Variants in BMPER observed in about 807,000 individuals in gnomAD.
BMPER encodes the protein BMP-binding endothelial regulator protein.
A neutral mutation model predicts 87.3 loss-of-function variants in BMPER; 45 were observed. The observed-to-expected ratio is 0.52, with a 90% CI of 0.41 to 0.66. The LOEUF (loss-of-function observed/expected upper bound fraction) is 0.66. Among genes scored for constraint, BMPER ranks in the 30% least tolerant of loss-of-function variants. BMPER has a pLI of 0.00. For synonymous variants in BMPER, 326 were observed against 316.2 expected (o/e 1.03, Z -0.33); for missense variants, 784 against 867.5 (o/e 0.90, Z 1.21).
In BMPER at chr7:34,153,668, T is replaced by C. The variant is rs1380292935; in HGVS notation, c.*395T>C. ...TTGCCTGCCTGTATTAATTTTAGTT[T>C]TGAGTCAGGATTTGTAATGGAGTGG... On this transcript the variant is annotated 3_prime_UTR_variant, in exon 15 of 15. Transcript: ENST00000649409. 1.5e-5 allele frequency: 3 copies of C among 200,186 alleles called. No individual in the cohort carries two copies. Among genetic ancestry groups the C allele is most frequent in the Non-Finnish European group, 3.1e-5 (3 of 96,034 alleles). The allele number at this position is 200,186 out of a possible 1,614,324, so 12.4% of individuals were successfully genotyped here. A position where few individuals can be genotyped will look rare whatever the true frequency, so the allele number is the denominator to read the frequency against.
intron 2 of BMPER, among the ~76,000 whole-genome samples, chr7:33,921,527 C>A (rs1400472640): frequency 6.6e-6 from 1 of 152,134 alleles, no homozygotes; most frequent in Non-Finnish European, 1.5e-5. Flanking sequence ...GAGAGAATAC[C>A]CCCCGGGGTC....
At chr7:34,023,985 A>C (rs569243170) in intron 6 of BMPER, among the ~76,000 whole-genome samples, 3 of 152,070 alleles carry the variant, frequency 2.0e-5, no homozygotes, top group Non-Finnish European at 2.9e-5. Context: ...TCCAATGGTT[A>C]TTTTTCAAGA....
At position 34,143,208 on chromosome 7, in the gene BMPER, A is replaced by G. The variant is rs753101762; in HGVS notation, c.1746-22A>G. 6.8e-6 allele frequency: 11 copies of G among 1,613,606 alleles called. No individual in the cohort carries two copies. The Admixed American group carries it at 1.0e-4, about 15-fold the overall frequency. On this transcript the variant is annotated intron_variant, in intron 13 of 14. Coordinates refer to ENST00000649409, the MANE Select transcript of BMPER (RefSeq NM_001365308.1). ...TGGTTTGATATTTTTAAATGTTTCT[A>G]TCTCTCTTTTGGGTCCTATAGGTCC...
At chr7:34,085,347 TA>T (rs1424662971) in intron 12 of BMPER, among the ~76,000 whole-genome samples, 1 of 152,184 alleles carries the variant, frequency 6.6e-6, no homozygotes, top group African/African-American at 2.4e-5. Context: ...ATAATTGCAT[TA>T]AAAAACAATC....
chr7:34,090,522 G>T (rs578175876), intron 13 of BMPER, among the ~76,000 whole-genome samples: 13 of 152,118 alleles, frequency 8.5e-5, no homozygotes, highest in African/African-American at 3.1e-4. Context: ...CTACCTTCCC[G>T]CTGTGGACTT....
At chr7:33,931,810 G>T (rs910740088) in intron 2 of BMPER, among the ~76,000 whole-genome samples, 1 of 152,192 alleles carries the variant, frequency 6.6e-6, no homozygotes, top group Non-Finnish European at 1.5e-5. Flanking sequence ...GACCACTATT[G>T]TGTAAGTTCT....
At chr7:33,985,459 A>G (rs370729710) in intron 6 of BMPER, among the ~76,000 whole-genome samples, 3 of 152,220 alleles carry the variant, frequency 2.0e-5, no homozygotes, top group African/African-American at 7.2e-5. Context: ...AATGTGACAG[A>G]TATCTTTGAA....
At chr7:34,105,569 T>C (rs1245496264) in intron 13 of BMPER, among the ~76,000 whole-genome samples, 3 of 152,224 alleles carry the variant, frequency 2.0e-5, no homozygotes, top group African/African-American at 7.2e-5. Context: ...GTCTTGTTAT[T>C]TTCCAATGGA....
intron 6 of BMPER, among the ~76,000 whole-genome samples, chr7:33,975,541 A>G (rs1785666092): frequency 6.6e-6 from 1 of 152,190 alleles, no homozygotes; most frequent in Non-Finnish European, 1.5e-5. Flanking sequence ...TTTAATTAAT[A>G]TATGTTAAAT....
At chr7:33,934,955 C>T (rs932406722) in intron 2 of BMPER, among the ~76,000 whole-genome samples, 3 of 152,092 alleles carry the variant, frequency 2.0e-5, no homozygotes, top group African/African-American at 4.8e-5. Context: ...GCAAGAACTA[C>T]GCTTTTCAAA....
At chr7:34,056,283 C>T (rs1360354526) in intron 9 of BMPER, among the ~76,000 whole-genome samples, 1 of 152,110 alleles carries the variant, frequency 6.6e-6, no homozygotes, top group Non-Finnish European at 1.5e-5. Flanking sequence ...ATGGCTAATG[C>T]ATGCTGGGCT....
chr7:34,152,075 G>A lies in BMPER; in HGVS notation c.1877-1017G>A, dbSNP rs10252290. ...GACTCAAATTGAGGCCCGTTTGCTG[G>A]CAAACCAGTTCTATCTTTAAATTTT... is the stretch of plus-strand genomic sequence containing the variant. On this transcript the variant is annotated intron_variant, in intron 14 of 14. Transcript: ENST00000649409. Among the ~76,000 whole-genome samples the A allele has an allele frequency of 7.1e-3, 1,082 of 152,250 alleles. 9 individuals are homozygous for A. The highest frequency in any genetic ancestry group is 0.025 in the African/African-American group (1,040 of 41,532).
intron 6 of BMPER, among the ~76,000 whole-genome samples, chr7:34,005,573 A>G (rs1479355099): frequency 6.6e-6 from 1 of 151,520 alleles, no homozygotes; most frequent in Non-Finnish European, 1.5e-5. Context: ...TCAGCCTCCT[A>G]TTTTATTTTT....
rs547327910 is a variant in BMPER, at chr7:34,089,188, C to A, written c.1745+3096C>A. The stretch of plus-strand genomic sequence containing the variant: ...AGACTCAAAAATTTATTTTATTTTC[C>A]CCCCATTCTCCAAAAAATATCTGTA... On this transcript the variant is annotated intron_variant, in intron 13 of 14. Transcript: ENST00000649409. 6.0e-4 allele frequency among the ~76,000 whole-genome samples: 91 copies of A among 152,038 alleles called. 1 individual carries two copies. Among genetic ancestry groups the A allele is most frequent in the South Asian group, 4.2e-3 (20 of 4,816 alleles).
intron 11 of BMPER, among the ~76,000 whole-genome samples, chr7:34,063,289 A>G (rs1562719320): frequency 6.6e-6 from 1 of 152,158 alleles, no homozygotes; most frequent in Non-Finnish European, 1.5e-5. Flanking sequence ...CCAATTCTCT[A>G]AAATAGAGTT....
chr7:33,929,035 G>A (rs1784424539), intron 2 of BMPER, among the ~76,000 whole-genome samples: 1 of 152,042 alleles, frequency 6.6e-6, no homozygotes, highest in East Asian at 1.9e-4. Flanking sequence ...GATATGACTT[G>A]TTGCAAAATA....
rs533652156 is a variant in BMPER at position 34,124,185 on chromosome 7, C to T, written c.1746-19045C>T. Among the ~76,000 whole-genome samples the T allele has an allele frequency of 3.9e-5, 6 of 152,226 alleles. No homozygotes were observed. In the East Asian group the frequency reaches 7.7e-4, roughly 20 times the overall value. ...TTATCTTTTCTGTTTCCCAACTGCTCGCTCTCCTCTTTTAGGTACATCTTC... is the reference window on the plus strand; with the variant it reads ...TTATCTTTTCTGTTTCCCAACTGCTTGCTCTCCTCTTTTAGGTACATCTTC... On this transcript the variant is annotated intron_variant, in intron 13 of 14. Coordinates refer to ENST00000649409, the MANE Select transcript of BMPER (RefSeq NM_001365308.1).
chr7:34,016,687 T>C (rs553775284), intron 6 of BMPER, among the ~76,000 whole-genome samples: 42 of 152,014 alleles, frequency 2.8e-4, no homozygotes, highest in Admixed American at 6.6e-4. Flanking sequence ...GTTCATAATA[T>C]ATCAACCACT....
At chr7:33,933,075 C>A (rs1784518743) in intron 2 of BMPER, among the ~76,000 whole-genome samples, 1 of 152,222 alleles carries the variant, frequency 6.6e-6, no homozygotes, top group East Asian at 1.9e-4. Flanking sequence ...TCAGACACAG[C>A]AAGCTGGCTG....
Sources: allele counts gnomAD v4.1 joint callset (sites outside exome capture counted in the v4.1 genomes callset), GRCh38; gene constraint gnomAD v4.1.1; transcripts MANE v1.5; gene names NCBI Gene and HGNC (gene_info 2026-07-23, HGNC 2026-07-21).